The following TRPM3 variants were observed in gnomAD, a reference collection of about 807,000 sequenced individuals.
The protein encoded by TRPM3 is long transient receptor potential channel 3.
In TRPM3, 77 loss-of-function variants were observed where a neutral mutation model predicts 181.2. The ratio of observed to expected loss-of-function variants is 0.42; its 90% CI spans 0.35 to 0.51. TRPM3 has a LOEUF of 0.51. TRPM3 is among the 20% of genes least tolerant of loss of function. The pLI is 0.01. For missense variants in TRPM3, 1,759 were observed against 2,196.7 expected, an observed-to-expected ratio of 0.80 and a Z score of 3.98; for synonymous variants, 745 against 796.4, an observed-to-expected ratio of 0.94 and a Z score of 1.09.
chr9:71,446,742 T>C, exon 1 of TRPM3: 1 of 1,550,540 alleles, frequency 6.4e-7, no homozygotes, highest in African/African-American at 1.4e-5. Flanking sequence ...CTGCCCCGGC[T>C]GGCGCTCCGG....
chr9:70,907,665 C>G (rs147674996), intron 1 of TRPM3, among the ~76,000 whole-genome samples: 1 of 152,152 alleles, frequency 6.6e-6, no homozygotes, highest in Non-Finnish European at 1.5e-5. Flanking sequence ...TAATGAACAT[C>G]GTACCCAATA....
At chr9:70,841,670 A>ATATATG (rs1367285567) in intron 5 of TRPM3, among the ~76,000 whole-genome samples, 1 of 134,358 alleles carries the variant, frequency 7.4e-6, no homozygotes, top group Non-Finnish European at 1.6e-5. Context: ...ATCCCACCAT[A>ATATATG]TATATGTATA....
intron 8 of TRPM3, among the ~76,000 whole-genome samples, chr9:70,701,509 T>C (rs1564063604): frequency 1.3e-5 from 2 of 151,984 alleles, no homozygotes; most frequent in African/African-American, 2.4e-5. Flanking sequence ...GGGAATTTAG[T>C]GATTGTCTCA....
At chr9:71,258,786 C>T (rs572921857) in intron 1 of TRPM3, among the ~76,000 whole-genome samples, 1 of 152,000 alleles carries the variant, frequency 6.6e-6, no homozygotes, top group Non-Finnish European at 1.5e-5. Flanking sequence ...TAGAATTTTC[C>T]CTGGTCTCAG....
In TRPM3 at chr9:70,536,673, G is replaced by A. The variant is rs182290052; in HGVS notation, c.4440C>T (p.Asp1480=). Residue 1480 remains aspartate (D), a synonymous_variant, in exon 26 of 26, where the codon GAC becomes GAT. Coordinates refer to ENST00000677713, the MANE Select transcript of TRPM3 (RefSeq NM_001366145.2). The part of the protein sequence containing the change: ...SIDFEDITSM[D]TRSFSSDYTH... ...TGTAGTCTGAAGAAAAAGATCTAGT[G>A]TCCATGGAGGTGATGTCCTCAAAAT... The A allele has an allele frequency of 2.1e-4, 335 of 1,614,138 alleles. 4 individuals are homozygous for A. The East Asian group carries it at 3.7e-3, about 18-fold the overall frequency.
At chr9:71,317,084 AGATGTCAAG>A (rs1424462441) in intron 1 of TRPM3, among the ~76,000 whole-genome samples, 5 of 152,126 alleles carry the variant, frequency 3.3e-5, no homozygotes, top group Non-Finnish European at 7.4e-5. Flanking sequence ...CTCCTTCATA[AGATGTCAAG>A]GATGTATTAC....
At chr9:71,190,408 C>G (rs1307336441) in intron 1 of TRPM3, among the ~76,000 whole-genome samples, 1 of 151,756 alleles carries the variant, frequency 6.6e-6, no homozygotes, top group East Asian at 1.9e-4. Flanking sequence ...CATTAATATC[C>G]AAACATCATA....
intron 1 of TRPM3, among the ~76,000 whole-genome samples, chr9:71,306,084 A>T (rs1199055755): frequency 6.6e-6 from 1 of 152,142 alleles, no homozygotes; most frequent in South Asian, 2.1e-4. Flanking sequence ...TGTCATGCAT[A>T]TACACCTTGT....
chr9:71,319,015 A>G (rs1457107954), intron 1 of TRPM3, among the ~76,000 whole-genome samples: 1 of 17,216 alleles, frequency 5.8e-5, no homozygotes, highest in East Asian at 4.0e-3. Context: ...TAAATTATAT[A>G]GTATGTACAA....
rs890312911 is a variant in TRPM3, at chr9:71,121,318, T to C, written c.37A>G (p.Ile13Val). The C allele has an allele frequency of 1.9e-6, 3 of 1,613,722 alleles. No homozygotes were observed. In the East Asian group the frequency reaches 6.7e-5, roughly 36 times the overall value. The change falls in exon 1 of 26, where the codon ATT becomes GTT. Residue 13 changes from isoleucine (I) to valine (V), a missense_variant. By Grantham distance (29) the Ile-to-Val change is conservative. Coordinates refer to ENST00000677713, the MANE Select transcript of TRPM3 (RefSeq NM_001366145.2). ...EPWGTVYFLG[I>V]AQVFSFLFSW... ...AACAAGAAACTGAAAACCTGAGCAA[T>C]GCCTAGAAAATAAACGGTCCCCCAC...
At chr9:70,567,691 T>C (rs1382600838) in intron 22 of TRPM3, among the ~76,000 whole-genome samples, 1 of 148,168 alleles carries the variant, frequency 6.7e-6, no homozygotes, top group Non-Finnish European at 1.5e-5. Context: ...TTCTGGATCC[T>C]ACATAGAAAG....
At chr9:70,622,776 G>A (rs950005354) in intron 14 of TRPM3, among the ~76,000 whole-genome samples, 2 of 152,174 alleles carry the variant, frequency 1.3e-5, no homozygotes, top group African/African-American at 4.8e-5. Context: ...AATGGTAAGT[G>A]TACAGCACTT....
At chr9:70,759,536 A>T (rs1175712729) in intron 8 of TRPM3, among the ~76,000 whole-genome samples, 1 of 152,228 alleles carries the variant, frequency 6.6e-6, no homozygotes, top group Non-Finnish European at 1.5e-5. Flanking sequence ...TTGCACAAGT[A>T]TTTTTATTGC....
chr9:70,656,316 G>A (rs971186122), intron 9 of TRPM3, among the ~76,000 whole-genome samples: 1 of 152,212 alleles, frequency 6.6e-6, no homozygotes, highest in South Asian at 2.1e-4. Flanking sequence ...ACTCATATTG[G>A]TTTAATGGAA....
chr9:71,085,596 T>G (rs1043280639), intron 1 of TRPM3, among the ~76,000 whole-genome samples: 1 of 151,540 alleles, frequency 6.6e-6, no homozygotes, highest in South Asian at 2.1e-4. Context: ...ACATGAACAG[T>G]GCTCCACATC....
At chr9:71,356,478 C>T (rs780773794) in intron 1 of TRPM3, among the ~76,000 whole-genome samples, 13 of 151,984 alleles carry the variant, frequency 8.6e-5, no homozygotes, top group Non-Finnish European at 1.8e-4. Context: ...AAAATAGAGA[C>T]GTAGTTAGGA....
intron 1 of TRPM3, among the ~76,000 whole-genome samples, chr9:71,060,370 C>T (rs1383295577): frequency 1.3e-5 from 2 of 152,100 alleles, no homozygotes; most frequent in African/African-American, 4.8e-5. Flanking sequence ...GCACTGTGCT[C>T]AGCACCTTAT....
chr9:70,994,621 C>T (rs1486235479), intron 1 of TRPM3, among the ~76,000 whole-genome samples: 1 of 151,944 alleles, frequency 6.6e-6, no homozygotes, highest in East Asian at 1.9e-4. Flanking sequence ...GAGAAATTTT[C>T]CCCCTTCAGT....
chr9:71,048,292 G>C (rs1024580300), intron 1 of TRPM3, among the ~76,000 whole-genome samples: 1 of 152,158 alleles, frequency 6.6e-6, no homozygotes, highest in African/African-American at 2.4e-5. Context: ...TTAAAAAACT[G>C]TCTCTTAATT....
Sources: gnomAD v4.1 joint callset for allele counts (sites outside exome capture counted in the v4.1 genomes callset) on GRCh38, gnomAD v4.1.1 for gene constraint, MANE v1.5 for transcripts, NCBI Gene and HGNC (gene_info 2026-07-23, HGNC 2026-07-21) for gene names.